The following ENPP6 variants were observed in gnomAD, a reference collection of about 807,000 sequenced individuals.
ENPP6 encodes ectonucleotide pyrophosphatase/phosphodiesterase 6.
In ENPP6, 32 loss-of-function variants were observed where a neutral mutation model predicts 42.0. The ratio of observed to expected loss-of-function variants is 0.76; its 90% CI spans 0.58 to 1.02. The LOEUF (loss-of-function observed/expected upper bound fraction) is 1.02. Ranked by LOEUF, ENPP6 falls within the 50% of genes least tolerant of loss-of-function variation. ENPP6 has a pLI of 0.00. For missense variants in ENPP6, 552 were observed against 566.8 expected, an observed-to-expected ratio of 0.97 and a Z score of 0.27; for synonymous variants, 213 against 216.0, an observed-to-expected ratio of 0.99 and a Z score of 0.12.
chr4:184,196,820 C>T (rs181644880), intron 1 of ENPP6, among the ~76,000 whole-genome samples: 8 of 152,290 alleles, frequency 5.3e-5, no homozygotes, highest in African/African-American at 1.9e-4. Context: ...TAAATTCCAT[C>T]CCAACAGGCG....
intron 1 of ENPP6, among the ~76,000 whole-genome samples, chr4:184,177,509 G>A (rs1343850948): frequency 1.3e-5 from 2 of 152,186 alleles, no homozygotes; most frequent in Non-Finnish European, 2.9e-5. Context: ...TCCACCAAGG[G>A]GCAGCCAGAG....
intron 1 of ENPP6, among the ~76,000 whole-genome samples, chr4:184,191,427 G>A (rs1732711608): frequency 1.3e-5 from 2 of 152,152 alleles, no homozygotes; most frequent in Admixed American, 6.5e-5. Flanking sequence ...ACTGAATCCG[G>A]CTACTTGTAA....
At chr4:184,112,495 G>T in intron 6 of ENPP6, 177 bp downstream of exon 6, 1 of 760,840 alleles carries the variant, frequency 1.3e-6, no homozygotes, top group Non-Finnish European at 2.0e-6. Flanking sequence ...GTCTACAGTT[G>T]TGTCTACAAA....
chr4:184,159,701 G>A (rs1395971964), intron 1 of ENPP6, among the ~76,000 whole-genome samples: 1 of 152,062 alleles, frequency 6.6e-6, no homozygotes, highest in Non-Finnish European at 1.5e-5. Context: ...GTTTTTGGTT[G>A]TGTGGATAAG....
chr4:184,091,437 G>C, intron 7 of ENPP6, 55 bp from the exon 8 acceptor site: 1 of 1,491,718 alleles, frequency 6.7e-7, no homozygotes, highest in Non-Finnish European at 9.1e-7. Context: ...GGCAGAGGTG[G>C]GCTGAACGCA....
intron 2 of ENPP6, among the ~76,000 whole-genome samples, chr4:184,139,638 CT>C (rs1370507041): frequency 4.1e-5 from 4 of 97,346 alleles, no homozygotes; most frequent in Admixed American, 9.4e-5. Flanking sequence ...CGATAGTTTA[CT>C]GAGAATGATG....
At chr4:184,110,136 G>T (rs1360014493) in intron 6 of ENPP6, among the ~76,000 whole-genome samples, 1 of 152,178 alleles carries the variant, frequency 6.6e-6, no homozygotes, top group African/African-American at 2.4e-5. Flanking sequence ...CAGTCAGAAT[G>T]GTGCAGAGGC....
intron 6 of ENPP6, among the ~76,000 whole-genome samples, chr4:184,106,614 C>T (rs1169541419): frequency 6.6e-6 from 1 of 151,682 alleles, no homozygotes; most frequent in Non-Finnish European, 1.5e-5. Context: ...TCAGAGAGGG[C>T]CCCCCCAGCC....
intron 2 of ENPP6, among the ~76,000 whole-genome samples, chr4:184,131,773 T>G (rs1002852605): frequency 1.3e-5 from 2 of 149,538 alleles, no homozygotes; most frequent in African/African-American, 5.0e-5. Flanking sequence ...ATCAAGAGTC[T>G]GTAGAGAAAC....
Position 184,184,249 on chromosome 4 carries a change from TA to T in ENPP6, c.242-30517del, listed in dbSNP as rs2111102835. The stretch of plus-strand genomic sequence containing the variant: ...CCAAGAGCTTTAAGTTTGGAATGAT[TA>T]TATTTAGAATAAAAGACAAGCTTTA... On this transcript the variant is annotated intron_variant, in intron 1 of 7. Transcript: ENST00000296741. This position sits in a 1 kb window ranked among gnomAD's most constrained non-coding sequence, Gnocchi z 4.7. Among the ~76,000 whole-genome samples the T allele has an allele frequency of 6.6e-6, 1 of 152,322 alleles. No individual in the cohort carries two copies. The highest frequency in any genetic ancestry group is 2.4e-5 in the African/African-American group (1 of 41,568).
intron 6 of ENPP6, among the ~76,000 whole-genome samples, chr4:184,100,859 C>A (rs1294579672): frequency 6.6e-6 from 1 of 152,188 alleles, no homozygotes; most frequent in African/African-American, 2.4e-5. Context: ...GGATTCGTGC[C>A]AGGAACTCAG....
At chr4:184,130,837 T>C (rs1736594088) in intron 2 of ENPP6, among the ~76,000 whole-genome samples, 1 of 152,186 alleles carries the variant, frequency 6.6e-6, no homozygotes, top group Non-Finnish European at 1.5e-5. Flanking sequence ...TTTTGTAGTG[T>C]TAATTTCCAA....
chr4:184,106,889 G>A lies in ENPP6; in HGVS notation c.993+5783C>T, dbSNP rs114276956. On this transcript the variant is annotated intron_variant, in intron 6 of 7. Transcript: ENST00000296741. ...CTGGTTCGCTAGGTGCACGATTGCT[G>A]AGGCACACGGCCTTCACGGTCGGGG... Among the ~76,000 whole-genome samples, 1,054 of 152,356 alleles carry A rather than the reference G, an allele frequency of 6.9e-3. 13 individuals carry two copies. Among genetic ancestry groups the A allele is most frequent in the African/African-American group, 0.024 (999 of 41,582 alleles).
At position 184,090,527 on chromosome 4, in the gene ENPP6, A is replaced by G. The variant is rs937376877; in HGVS notation, c.*650T>C. On this transcript the variant is annotated 3_prime_UTR_variant, in exon 8 of 8. Coordinates refer to ENST00000296741, the MANE Select transcript of ENPP6 (RefSeq NM_153343.4). ...GCACTCAGACTTTGGGAGGGCACTC[A>G]TGTCTTTCACCTTGTTCTATGAGTT... is the stretch of plus-strand genomic sequence containing the variant. The G allele has an allele frequency of 2.0e-5, 3 of 152,986 alleles. No individual in the cohort carries two copies. The highest frequency in any genetic ancestry group is 4.4e-5 in the Non-Finnish European group (3 of 68,574). 9.5% of individuals were successfully genotyped at this position (152,986 alleles called of 1,614,324 possible).
Position 184,185,414 on chromosome 4 carries a change from A to T in ENPP6, c.242-31681T>A, listed in dbSNP as rs376049082. Reference sequence around the variant, plus strand: ...ACAACGCATCCCTGTGAACCTCAAAACACAAACCTGTGGGGACACCCCAGC... The same window carrying T: ...ACAACGCATCCCTGTGAACCTCAAATCACAAACCTGTGGGGACACCCCAGC... On this transcript the variant is annotated intron_variant, in intron 1 of 7. Coordinates refer to ENST00000296741, the MANE Select transcript of ENPP6 (RefSeq NM_153343.4). 2.6e-5 allele frequency among the ~76,000 whole-genome samples: 4 copies of T among 152,308 alleles called. No homozygotes were observed. In the East Asian group the frequency reaches 5.8e-4, roughly 22 times the overall value.
rs534879940 is a variant in ENPP6 at position 184,184,674 on chromosome 4, T to C, written c.242-30941A>G. On this transcript the variant is annotated intron_variant, in intron 1 of 7. Coordinates refer to ENST00000296741, the MANE Select transcript of ENPP6 (RefSeq NM_153343.4). This position sits in a 1 kb window ranked among gnomAD's most constrained non-coding sequence, Gnocchi z 4.7. The stretch of plus-strand genomic sequence containing the variant: ...GTCCTGCATCCAATGGCAAGAGGTC[T>C]TATAAGGAAGGGAGACAGTCACATG... Among the ~76,000 whole-genome samples, 451 of 152,206 alleles carry C rather than the reference T, an allele frequency of 3.0e-3. 14 individuals are homozygous for C. The South Asian group carries it at 0.063, about 21-fold the overall frequency.
chr4:184,145,160 T>A (rs1287873550), intron 2 of ENPP6, among the ~76,000 whole-genome samples: 1 of 152,228 alleles, frequency 6.6e-6, no homozygotes. Context: ...CTTGTTCTGA[T>A]TTGCAGGCGT....
chr4:184,108,806 T>A (rs920425612), intron 6 of ENPP6, among the ~76,000 whole-genome samples: 1 of 152,264 alleles, frequency 6.6e-6, no homozygotes, highest in Non-Finnish European at 1.5e-5. Flanking sequence ...TTCATGGACA[T>A]AGGTGCTGTA....
chr4:184,128,292 T>C (rs6852478), intron 2 of ENPP6, among the ~76,000 whole-genome samples: 107,687 of 152,136 alleles, frequency 0.71, 38,711 homozygotes, highest in African/African-American at 0.83. Context: ...GCAATTCTCC[T>C]ACCTCAGCTT....
Sources: gnomAD v4.1 joint callset for allele counts (sites outside exome capture counted in the v4.1 genomes callset) on GRCh38, gnomAD v4.1.1 for gene constraint, Gnocchi (gnomAD v3.1) non-coding constraint, MANE v1.5 for transcripts, NCBI Gene and HGNC (gene_info 2026-07-23, HGNC 2026-07-21) for gene names.